SRGAP3: variants seen among roughly 807,000 people sequenced by gnomAD.
SRGAP3 encodes the protein SLIT-ROBO Rho GTPase activating protein 3, also known as SLIT-ROBO Rho GTPase-activating protein 3.
In SRGAP3, 39 loss-of-function variants were observed where a neutral mutation model predicts 121.1. The observed-to-expected ratio is 0.32, with a 90% CI of 0.25 to 0.42. The LOEUF (loss-of-function observed/expected upper bound fraction) is 0.42. SRGAP3 is among the 10% of genes least tolerant of loss of function. SRGAP3 has a pLI of 1.00. For missense variants in SRGAP3, 1,213 were observed against 1,470.6 expected, an observed-to-expected ratio of 0.82 and a Z score of 2.86; for synonymous variants, 601 against 570.0, an observed-to-expected ratio of 1.05 and a Z score of -0.77.
chr3:9,301,610 G>A (rs1432701730), intron 3 of SRGAP3, among the ~76,000 whole-genome samples: 1 of 152,222 alleles, frequency 6.6e-6, no homozygotes, highest in East Asian at 1.9e-4. Context: ...TGATGCCTGT[G>A]GCTCCTTTGG....
At chr3:9,051,255 C>T (rs1945561721) in intron 9 of SRGAP3, among the ~76,000 whole-genome samples, 1 of 152,176 alleles carries the variant, frequency 6.6e-6, no homozygotes, top group Admixed American at 6.5e-5. Flanking sequence ...AAGGGATCCT[C>T]CTACTCGGCC....
chr3:9,314,596 T>G (rs1319052384), intron 3 of SRGAP3, among the ~76,000 whole-genome samples: 1 of 151,910 alleles, frequency 6.6e-6, no homozygotes, highest in Non-Finnish European at 1.5e-5. Flanking sequence ...GGGTGAGTTT[T>G]TTGTCTTACT....
intron 1 of SRGAP3, among the ~76,000 whole-genome samples, chr3:9,222,048 C>G (rs1231834265): frequency 1.3e-5 from 2 of 152,218 alleles, no homozygotes; most frequent in Non-Finnish European, 2.9e-5. Context: ...ACCTAGATCT[C>G]TTGTCAATCC....
In SRGAP3 at chr3:9,053,010, C is replaced by A; in HGVS notation, c.1323+17G>T. 6.2e-7 allele frequency: 1 copy of A among 1,612,330 alleles called. No individual in the cohort carries two copies. Among genetic ancestry groups the A allele is most frequent in the East Asian group, 2.2e-5 (1 of 44,874 alleles). On this transcript the variant is annotated intron_variant, in intron 9 of 21. Coordinates refer to ENST00000383836, the MANE Select transcript of SRGAP3 (RefSeq NM_014850.4). Reference sequence around the variant, plus strand: ...GCTTGGCCGACAGTGTGGTTCTGGGCCCAGGATGCCACTTACTGTAAAATA... The same window carrying A: ...GCTTGGCCGACAGTGTGGTTCTGGGACCAGGATGCCACTTACTGTAAAATA...
At chr3:9,296,205 A>G (rs1954952600) in intron 3 of SRGAP3, among the ~76,000 whole-genome samples, 1 of 152,198 alleles carries the variant, frequency 6.6e-6, no homozygotes, top group Non-Finnish European at 1.5e-5. Flanking sequence ...TAATTTTTTG[A>G]GGAACAATCA....
At chr3:9,133,963 T>A (rs1949552141) in intron 1 of SRGAP3, among the ~76,000 whole-genome samples, 1 of 152,240 alleles carries the variant, frequency 6.6e-6, no homozygotes, top group African/African-American at 2.4e-5. Context: ...AAGGGGCTTA[T>A]TATACTATTC....
intron 1 of SRGAP3, among the ~76,000 whole-genome samples, chr3:9,180,523 C>T (rs943170143): frequency 2.1e-4 from 32 of 152,108 alleles, no homozygotes; most frequent in African/African-American, 7.7e-4. Context: ...GGAGGACAGG[C>T]CCAGAGGCTG....
intron 1 of SRGAP3, among the ~76,000 whole-genome samples, chr3:9,136,397 C>T (rs1162104816): frequency 3.4e-5 from 2 of 58,790 alleles, no homozygotes; most frequent in Non-Finnish European, 7.5e-5. Context: ...CGCTGGGACC[C>T]CCCCCCCCCC....
upstream of SRGAP3, among the ~76,000 whole-genome samples, chr3:9,251,122 C>T (rs1009888226): frequency 4.6e-5 from 7 of 152,164 alleles, no homozygotes; most frequent in African/African-American, 1.7e-4. Flanking sequence ...AGTGGGCGTC[C>T]CCAGGCAAGT....
intron 3 of SRGAP3, among the ~76,000 whole-genome samples, chr3:9,273,230 C>G (rs558110610): frequency 7.9e-5 from 12 of 152,268 alleles, no homozygotes; most frequent in African/African-American, 2.9e-4. Context: ...GGAGGTGGAG[C>G]TTGGGTGGTA....
In SRGAP3 at chr3:9,025,556, C is replaced by G. The variant is rs372770703; in HGVS notation, c.1601-218G>C. Among the ~76,000 whole-genome samples the G allele has an allele frequency of 1.9e-4, 29 of 152,252 alleles. No individual in the cohort carries two copies. The South Asian group carries it at 3.7e-3, about 20-fold the overall frequency. On this transcript the variant is annotated intron_variant, in intron 13 of 21. Coordinates refer to ENST00000383836, the MANE Select transcript of SRGAP3 (RefSeq NM_014850.4). ...CACATCTGCTTCAAACACTTGTGAT[C>G]TTCTGTTTGAGCTTAAAGGAAAAGG...
At chr3:9,020,980 G>A (rs1943884812) in intron 14 of SRGAP3, among the ~76,000 whole-genome samples, 1 of 152,238 alleles carries the variant, frequency 6.6e-6, no homozygotes, top group South Asian at 2.1e-4. Flanking sequence ...CCAGGGCAGA[G>A]ACTGAGCACA....
chr3:9,219,026 G>A (rs1187715335), intron 1 of SRGAP3, among the ~76,000 whole-genome samples: 2 of 151,366 alleles, frequency 1.3e-5, no homozygotes, highest in Non-Finnish European at 2.9e-5. Context: ...ATAGAGACAG[G>A]GTCTCACTAT....
intron 1 of SRGAP3, among the ~76,000 whole-genome samples, chr3:9,141,367 G>A (rs890709152): frequency 2.4e-4 from 37 of 152,142 alleles, no homozygotes; most frequent in Admixed American, 1.1e-3. Flanking sequence ...CCACCATGCC[G>A]CCCAAATATT....
chr3:9,152,858 G>GTATAACTT (rs1950259760), intron 1 of SRGAP3, among the ~76,000 whole-genome samples: 1 of 151,550 alleles, frequency 6.6e-6, no homozygotes, highest in Admixed American at 6.6e-5. Flanking sequence ...TCAACATGAG[G>GTATAACTT]GTATAACTTG....
chr3:9,106,184 G>A (rs1371523952), intron 2 of SRGAP3, among the ~76,000 whole-genome samples: 1 of 152,234 alleles, frequency 6.6e-6, no homozygotes, highest in East Asian at 1.9e-4. Flanking sequence ...TGTTATCCAG[G>A]AAGGAAGAGA....
intron 1 of SRGAP3, among the ~76,000 whole-genome samples, chr3:9,359,472 T>C (rs1240842152): frequency 1.3e-5 from 2 of 152,194 alleles, no homozygotes; most frequent in East Asian, 3.8e-4. Flanking sequence ...TGGACAACCA[T>C]GCTCATGATT....
At chr3:9,327,201 A>AT (rs1261862616) in intron 2 of SRGAP3, among the ~76,000 whole-genome samples, 5 of 151,716 alleles carry the variant, frequency 3.3e-5, no homozygotes, top group African/African-American at 7.2e-5. Flanking sequence ...ACCCTTTACA[A>AT]TTTTTTTCTC....
intron 18 of SRGAP3, among the ~76,000 whole-genome samples, chr3:8,997,827 A>G (rs899719558): frequency 2.0e-5 from 3 of 152,120 alleles, no homozygotes; most frequent in Non-Finnish European, 1.5e-5. Flanking sequence ...ATTAAGTTAT[A>G]AACATCAGTA....
Sources: allele counts gnomAD v4.1 joint callset (sites outside exome capture counted in the v4.1 genomes callset), GRCh38; gene constraint gnomAD v4.1.1; transcripts MANE v1.5; gene names NCBI Gene and HGNC (gene_info 2026-07-23, HGNC 2026-07-21).